The following PAPSS2 variants were observed in gnomAD, a reference collection of about 807,000 sequenced individuals.
PAPSS2 encodes bifunctional 3'-phosphoadenosine 5'-phosphosulfate synthase 2.
PAPSS2 carries 61 observed loss-of-function variants against 66.5 expected under a neutral mutation model. The ratio of observed to expected loss-of-function variants is 0.92; its 90% confidence interval spans 0.75 to 1.14. The LOEUF is 1.14. Ranked by LOEUF, PAPSS2 falls within the 50% of genes most tolerant of loss-of-function variation. The pLI is 0.00. For synonymous variants in PAPSS2, 289 were observed against 287.5 expected, an observed-to-expected ratio of 1.01 and a Z score of -0.05; for missense variants, 708 against 789.6, an observed-to-expected ratio of 0.90 and a Z score of 1.24.
At chr10:87,665,638 GA>G (rs1852807075) in intron 1 of PAPSS2, among the ~76,000 whole-genome samples, 1 of 152,184 alleles carries the variant, frequency 6.6e-6, no homozygotes, top group Non-Finnish European at 1.5e-5. Flanking sequence ...TCTATGCCAA[GA>G]CAATTGTCCT....
At chr10:87,732,869 C>T (rs1853746651) in intron 9 of PAPSS2, among the ~76,000 whole-genome samples, 1 of 152,060 alleles carries the variant, frequency 6.6e-6, no homozygotes, top group Admixed American at 6.6e-5. Context: ...TAGGGGGACT[C>T]GATAAACATT....
At chr10:87,666,367 A>G (rs1852816554) in intron 1 of PAPSS2, among the ~76,000 whole-genome samples, 1 of 152,202 alleles carries the variant, frequency 6.6e-6, no homozygotes, top group African/African-American at 2.4e-5. Context: ...GGAAACAGAG[A>G]CCTCTACCCT....
chr10:87,738,297 G>C (rs1429696106), intron 9 of PAPSS2, among the ~76,000 whole-genome samples: 1 of 152,130 alleles, frequency 6.6e-6, no homozygotes, highest in African/African-American at 2.4e-5. Context: ...CCTCCATACT[G>C]TTTTCCATAG....
chr10:87,719,450 C>A (rs1216599191), intron 7 of PAPSS2, among the ~76,000 whole-genome samples: 1 of 152,142 alleles, frequency 6.6e-6, no homozygotes, highest in Non-Finnish European at 1.5e-5. Flanking sequence ...TATGAACAAA[C>A]CACTCTGCAT....
chr10:87,732,608 TA>T (rs1291998433), intron 9 of PAPSS2, among the ~76,000 whole-genome samples: 1 of 152,090 alleles, frequency 6.6e-6, no homozygotes, highest in African/African-American at 2.4e-5. Flanking sequence ...AGTGTAAACA[TA>T]ACTTTTAAAA....
chr10:87,723,313 C>T (rs11813070), intron 8 of PAPSS2, among the ~76,000 whole-genome samples: 1 of 151,910 alleles, frequency 6.6e-6, no homozygotes, highest in Non-Finnish European at 1.5e-5. Context: ...CTCAACTAGA[C>T]TATGCAGTGG....
intron 1 of PAPSS2, among the ~76,000 whole-genome samples, chr10:87,662,040 G>A (rs904852026): frequency 5.3e-5 from 8 of 152,194 alleles, no homozygotes; most frequent in Admixed American, 2.0e-4. Flanking sequence ...CTGTCCGCTT[G>A]TGTGACCTCT....
chr10:87,694,440 G>A (rs7068425), intron 1 of PAPSS2, among the ~76,000 whole-genome samples: 8,550 of 152,274 alleles, frequency 0.056, 807 homozygotes, highest in African/African-American at 0.19. Context: ...AAGCATCAAG[G>A]AAGGCAGCCA....
Position 87,743,359 on chromosome 10 carries a change from C to T in PAPSS2, c.1223-14C>T, listed in dbSNP as rs772555587. 6.2e-7 allele frequency: 1 copy of T among 1,612,850 alleles called. No individual in the cohort carries two copies. Among genetic ancestry groups the T allele is most frequent in the Admixed American group, 1.7e-5 (1 of 60,006 alleles). On this transcript the variant is annotated splice_polypyrimidine_tract_variant and intron_variant, in intron 10 of 12. Transcript: ENST00000456849. ...TGTTTCTGTGACCTTCCTTCTTCTG[C>T]TTTCCTCTCCCAGATGCGGTGTTTG...
intron 2 of PAPSS2, 48 bp downstream of exon 2, chr10:87,709,361 C>A: frequency 2.7e-6 from 3 of 1,112,772 alleles, no homozygotes; most frequent in Non-Finnish European, 2.7e-6. Flanking sequence ...TGCAAACTGA[C>A]ATGTGACACA....
At chr10:87,685,055 T>C (rs1853070702) in intron 1 of PAPSS2, among the ~76,000 whole-genome samples, 1 of 152,190 alleles carries the variant, frequency 6.6e-6, no homozygotes, top group African/African-American at 2.4e-5. Flanking sequence ...TCCAGTTTTC[T>C]GAGCTTAGGG....
chr10:87,713,038 C>T (rs1356116802), intron 2 of PAPSS2, 37 bp from the exon 3 acceptor site: 1 of 1,135,410 alleles, frequency 8.8e-7, no homozygotes, highest in Middle Eastern at 2.0e-4. Flanking sequence ...TTAAACTATC[C>T]AGGCCGATGT....
intron 8 of PAPSS2, among the ~76,000 whole-genome samples, chr10:87,724,583 CAT>C (rs1174244908): frequency 1.3e-5 from 2 of 148,650 alleles, no homozygotes; most frequent in African/African-American, 4.9e-5. Context: ...ATATATGTAA[CAT>C]ATTTAAATAA....
intron 1 of PAPSS2, among the ~76,000 whole-genome samples, chr10:87,669,999 C>A: frequency 6.6e-6 from 1 of 152,200 alleles, no homozygotes; most frequent in Admixed American, 6.5e-5. Flanking sequence ...ATAATGAATT[C>A]TATTGAGAAG....
In PAPSS2 at chr10:87,699,085, A is replaced by T. The variant is rs192161812; in HGVS notation, c.28-10111A>T. On this transcript the variant is annotated intron_variant, in intron 1 of 12. Coordinates refer to ENST00000456849, the MANE Select transcript of PAPSS2 (RefSeq NM_001015880.2). ...GGGCAGCTTTCTCTGAGAGGTTGCCATTTGTCATATCAATTTCCAAAAGCT... is the reference window on the plus strand; with the variant it reads ...GGGCAGCTTTCTCTGAGAGGTTGCCTTTTGTCATATCAATTTCCAAAAGCT... Among the ~76,000 whole-genome samples, 7 of 152,328 alleles carry T rather than the reference A, an allele frequency of 4.6e-5. No individual in the cohort carries two copies. In the East Asian group the frequency reaches 1.3e-3, roughly 29 times the overall value.
intron 7 of PAPSS2, among the ~76,000 whole-genome samples, chr10:87,720,384 C>T (rs1036608839): frequency 6.6e-6 from 1 of 152,136 alleles, no homozygotes; most frequent in Non-Finnish European, 1.5e-5. Flanking sequence ...GACAGTGCCT[C>T]ACCTGATGGC....
At chr10:87,673,532 G>T (rs1852905433) in intron 1 of PAPSS2, among the ~76,000 whole-genome samples, 1 of 151,296 alleles carries the variant, frequency 6.6e-6, no homozygotes, top group South Asian at 2.1e-4. Context: ...TACCAGAAGG[G>T]TTATATTTTT....
intron 1 of PAPSS2, among the ~76,000 whole-genome samples, chr10:87,688,975 C>A (rs11305965): frequency 2.2e-4 from 19 of 85,558 alleles, no homozygotes; most frequent in Non-Finnish European, 2.8e-4. Context: ...AAAAAAAAAA[C>A]TGTATGGAAA....
chr10:87,725,769 C>A (rs531076567), intron 8 of PAPSS2, among the ~76,000 whole-genome samples: 1 of 152,076 alleles, frequency 6.6e-6, no homozygotes, highest in South Asian at 2.1e-4. Context: ...GATCAGGGCT[C>A]ATTGCAGCCT....
Sources: allele counts gnomAD v4.1 joint callset (sites outside exome capture counted in the v4.1 genomes callset), GRCh38; gene constraint gnomAD v4.1.1; transcripts MANE v1.5; gene names NCBI Gene and HGNC (gene_info 2026-07-23, HGNC 2026-07-21).